The following ASTN2 variants were observed in gnomAD, a reference collection of about 807,000 sequenced individuals.
ASTN2 encodes the protein astrotactin 2, also known as astrotactin-2.
Under a neutral mutation model 139.8 loss-of-function variants are expected in ASTN2, and 54 were observed. The observed-to-expected ratio is 0.39, with a 90% CI of 0.31 to 0.48. The LOEUF (loss-of-function observed/expected upper bound fraction) is 0.48. Among genes scored for constraint, ASTN2 ranks in the 20% least tolerant of loss-of-function variants. The probability of loss-of-function intolerance (pLI) is 0.95; values close to 1 mark genes in which losing one functional copy is unlikely to be tolerated. For synonymous variants in ASTN2, 756 were observed against 719.5 expected, an observed-to-expected ratio of 1.05 and a Z score of -0.81; for missense variants, 1,565 against 1,725.1, an observed-to-expected ratio of 0.91 and a Z score of 1.64.
chr9:116,519,749 A>C (rs10983213), intron 19 of ASTN2, among the ~76,000 whole-genome samples: 50,223 of 151,958 alleles, frequency 0.33, 9,679 homozygotes, highest in Admixed American at 0.45. Flanking sequence ...TAAAATTGAT[A>C]GACTATTAGT....
intron 1 of ASTN2, among the ~76,000 whole-genome samples, chr9:117,350,641 C>T (rs369592748): frequency 1.8e-4 from 28 of 151,620 alleles, no homozygotes; most frequent in African/African-American, 6.5e-4. Flanking sequence ...AACATAGGTC[C>T]AGAATGAGAG....
chr9:116,454,415 T>C (rs1321253172), intron 20 of ASTN2, among the ~76,000 whole-genome samples: 1 of 151,220 alleles, frequency 6.6e-6, no homozygotes, highest in Non-Finnish European at 1.5e-5. Context: ...ATCCAGATAA[T>C]GTGGAGAAAT....
intron 19 of ASTN2, among the ~76,000 whole-genome samples, chr9:116,591,585 A>C (rs1252207519): frequency 6.6e-6 from 1 of 152,242 alleles, no homozygotes; most frequent in African/African-American, 2.4e-5. Flanking sequence ...ACTCTACCCA[A>C]CAATATGAAT....
chr9:117,238,032 A>C (rs1564497368), intron 2 of ASTN2, among the ~76,000 whole-genome samples: 1 of 152,190 alleles, frequency 6.6e-6, no homozygotes, highest in Non-Finnish European at 1.5e-5. Context: ...GGAAGGTGAC[A>C]CAAGTGATGC....
At chr9:117,191,233 A>C (rs2132968484) in intron 3 of ASTN2, among the ~76,000 whole-genome samples, 2 of 151,898 alleles carry the variant, frequency 1.3e-5, no homozygotes, top group South Asian at 4.2e-4. Context: ...ATAGCAAAAA[A>C]AAAAAAAAAA....
At position 117,388,890 on chromosome 9, in the gene ASTN2, A is replaced by G. The variant is rs528926028; in HGVS notation, c.442+25607T>C. 2.6e-5 allele frequency among the ~76,000 whole-genome samples: 4 copies of G among 152,348 alleles called. No individual in the cohort carries two copies. In the East Asian group the frequency reaches 7.7e-4, roughly 29 times the overall value. On this transcript the variant is annotated intron_variant, in intron 1 of 22. Transcript: ENST00000313400. The stretch of plus-strand genomic sequence containing the variant: ...GCCCTTGGGGTCCTTCTTTATAAAT[A>G]TGACATCAGTCACTCCTCATTGACC...
chr9:117,022,866 C>T (rs761273329), intron 6 of ASTN2, among the ~76,000 whole-genome samples: 37 of 152,176 alleles, frequency 2.4e-4, no homozygotes, highest in Non-Finnish European at 1.9e-4. Flanking sequence ...GAGATGAATG[C>T]TCAGAGGCAG....
intron 16 of ASTN2, among the ~76,000 whole-genome samples, chr9:116,675,850 C>T (rs949716209): frequency 6.6e-6 from 1 of 152,176 alleles, no homozygotes; most frequent in Non-Finnish European, 1.5e-5. Context: ...ATTTAGAGGT[C>T]ATGCCTTCCC....
intron 2 of ASTN2, among the ~76,000 whole-genome samples, chr9:117,253,963 G>A (rs780589860): frequency 1.3e-4 from 20 of 152,118 alleles, no homozygotes; most frequent in South Asian, 6.2e-4. Flanking sequence ...GAGTCTGAAC[G>A]CTCACAGGCC....
chr9:116,892,521 G>A (rs1476604722), intron 10 of ASTN2, among the ~76,000 whole-genome samples: 2 of 152,132 alleles, frequency 1.3e-5, no homozygotes, highest in Non-Finnish European at 2.9e-5. Context: ...GAATGAAGAG[G>A]TGAGAGCAAA....
chr9:116,873,255 G>A (rs562443603), intron 10 of ASTN2, among the ~76,000 whole-genome samples: 1 of 152,312 alleles, frequency 6.6e-6, no homozygotes, highest in East Asian at 1.9e-4. Flanking sequence ...AAAGCATTAG[G>A]ACAGTGCCTG....
chr9:117,187,917 C>T (rs925896673), intron 3 of ASTN2, among the ~76,000 whole-genome samples: 1 of 152,152 alleles, frequency 6.6e-6, no homozygotes, highest in Non-Finnish European at 1.5e-5. Flanking sequence ...GTTCCTCCCA[C>T]GTTCTTGTGA....
intron 1 of ASTN2, among the ~76,000 whole-genome samples, chr9:117,323,084 T>C (rs1363786598): frequency 1.3e-5 from 2 of 152,172 alleles, no homozygotes; most frequent in African/African-American, 4.8e-5. Flanking sequence ...TGATGTTAGA[T>C]TGACAGTCCT....
At chr9:116,620,054 C>T (rs978911244) in intron 18 of ASTN2, among the ~76,000 whole-genome samples, 3 of 151,860 alleles carry the variant, frequency 2.0e-5, no homozygotes, top group African/African-American at 7.3e-5. Flanking sequence ...TGAATGGTTG[C>T]CTGAAGGAAG....
chr9:116,669,720 T>C (rs1357438630), intron 16 of ASTN2, among the ~76,000 whole-genome samples: 1 of 152,194 alleles, frequency 6.6e-6, no homozygotes, highest in Non-Finnish European at 1.5e-5. Context: ...CTTTGGCTTG[T>C]ATTCTCATTA....
chr9:116,487,534 C>G lies in ASTN2; in HGVS notation c.3356-34G>C, dbSNP rs535121691. ...AGAAAAAGAAAGATGAGCTCCCCAGCTCAGGCCATAGTGAGGAGACGTTTT... is the reference window on the plus strand; with the variant it reads ...AGAAAAAGAAAGATGAGCTCCCCAGGTCAGGCCATAGTGAGGAGACGTTTT... On this transcript the variant is annotated intron_variant, in intron 19 of 22. Transcript: ENST00000313400. The G allele has an allele frequency of 4.0e-5, 64 of 1,605,954 alleles. No homozygotes were observed. The South Asian group carries it at 7.0e-4, about 18-fold the overall frequency.
chr9:116,697,486 G>T (rs962553560), intron 16 of ASTN2: 3 of 492,832 alleles, frequency 6.1e-6, no homozygotes, highest in Non-Finnish European at 1.1e-5. Context: ...GCAGTGTTTT[G>T]TCTGGTTTGT....
intron 13 of ASTN2, among the ~76,000 whole-genome samples, chr9:116,777,552 G>A (rs536583970): frequency 1.3e-5 from 2 of 152,062 alleles, no homozygotes; most frequent in Non-Finnish European, 2.9e-5. Context: ...GAGAGTAGAC[G>A]TGGCATGTGA....
intron 10 of ASTN2, among the ~76,000 whole-genome samples, chr9:116,917,965 A>G (rs1407087163): frequency 1.3e-5 from 2 of 152,126 alleles, no homozygotes; most frequent in Non-Finnish European, 2.9e-5. Context: ...TAATTGAATC[A>G]TGGGGGCTGG....
Sources: gnomAD v4.1 joint callset for allele counts (sites outside exome capture counted in the v4.1 genomes callset) on GRCh38, gnomAD v4.1.1 for gene constraint, MANE v1.5 for transcripts, NCBI Gene and HGNC (gene_info 2026-07-23, HGNC 2026-07-21) for gene names.